TNR: variants seen among roughly 807,000 people sequenced by gnomAD.
TNR encodes tenascin-R.
TNR carries 45 observed loss-of-function variants against 150.4 expected under a neutral mutation model. The observed-to-expected ratio is 0.30, with a 90% CI of 0.24 to 0.38. The LOEUF (loss-of-function observed/expected upper bound fraction) is 0.38, where lower values mean the gene tolerates loss of function less well. Among genes scored for constraint, TNR ranks in the 10% least tolerant of loss-of-function variants. The pLI is 1.00. For synonymous variants in TNR, 687 were observed against 678.4 expected (o/e 1.01, Z -0.20); for missense variants, 1,544 against 1,759.1 (o/e 0.88, Z 2.19).
intron 2 of TNR, among the ~76,000 whole-genome samples, chr1:175,473,303 T>C (rs1657376383): frequency 6.6e-6 from 1 of 152,174 alleles, no homozygotes; most frequent in Admixed American, 6.5e-5. Context: ...CCTGTCAATA[T>C]CATCACATCA....
In TNR at chr1:175,386,183, G is replaced by A. The variant is rs746000237; in HGVS notation, c.1626C>T (p.Gly542=). The A allele has an allele frequency of 1.1e-5, 18 of 1,612,112 alleles. No homozygotes were observed. Among genetic ancestry groups the A allele is most frequent in the African/African-American group, 5.3e-5 (4 of 74,862 alleles). Residue 542 remains glycine, a synonymous_variant, in exon 8 of 23, where the codon GGC becomes GGT. Coordinates refer to ENST00000367674, the MANE Select transcript of TNR (RefSeq NM_003285.3). The part of the protein sequence containing the change: ...DFILLKYGLV[G]GEGGRTTFRL... The stretch of plus-strand genomic sequence containing the variant: ...GGAAGGTGGTCCTCCCACCTTCCCC[G>A]CCCACCAGGCCATATTTCAAAAGAA...
At chr1:175,695,287 C>T (rs1171679599) in intron 1 of TNR, among the ~76,000 whole-genome samples, 1 of 152,234 alleles carries the variant, frequency 6.6e-6, no homozygotes, top group African/African-American at 2.4e-5. Context: ...CTCCTGCCCA[C>T]AGCCGTGTAA....
Position 175,317,218 on chromosome 1 carries a change from G to C in TNR, c.*6139C>G, listed in dbSNP as rs10798379. 0.28 allele frequency: 41,845 copies of C among 152,104 alleles called. 6,271 individuals are homozygous for C. The highest frequency in any genetic ancestry group is 0.5 in the East Asian group (2,567 of 5,182). The allele number at this position is 152,104 out of a possible 1,614,324, so 9.4% of individuals were successfully genotyped here. A position where few individuals can be genotyped will look rare whatever the true frequency, so the allele number is the denominator to read the frequency against. ...TGCAATAAATGCTATTTATCTTAGT[G>C]TTCATTTGTGGAGAATCAAATTAAA... On this transcript the variant is annotated 3_prime_UTR_variant, in exon 23 of 23. Coordinates refer to ENST00000367674, the MANE Select transcript of TNR (RefSeq NM_003285.3).
intron 1 of TNR, among the ~76,000 whole-genome samples, chr1:175,651,410 AT>A (rs1309737262): frequency 6.6e-6 from 1 of 152,146 alleles, no homozygotes; most frequent in Non-Finnish European, 1.5e-5. Flanking sequence ...ACAGAGAAGC[AT>A]AAAGGTTTTT....
chr1:175,380,135 A>G (rs905486830), intron 8 of TNR, among the ~76,000 whole-genome samples: 4 of 152,200 alleles, frequency 2.6e-5, no homozygotes, highest in African/African-American at 9.6e-5. Flanking sequence ...CACTAAACAA[A>G]AAGAAGACTG....
At chr1:175,540,376 G>T (rs973623144) in intron 1 of TNR, among the ~76,000 whole-genome samples, 2 of 152,162 alleles carry the variant, frequency 1.3e-5, no homozygotes, top group African/African-American at 4.8e-5. Flanking sequence ...TCCCAGGAGG[G>T]CCAGATTTAT....
intron 2 of TNR, among the ~76,000 whole-genome samples, chr1:175,422,899 G>T (rs539378539): frequency 6.6e-6 from 1 of 152,326 alleles, no homozygotes; most frequent in East Asian, 1.9e-4. Context: ...TGAGGTGGTT[G>T]GCTGTGAGCT....
At chr1:175,456,344 TC>T (rs1218061567) in intron 2 of TNR, among the ~76,000 whole-genome samples, 1 of 152,242 alleles carries the variant, frequency 6.6e-6, no homozygotes, top group African/African-American at 2.4e-5. Flanking sequence ...GCTTTGTTTT[TC>T]TTATAGTATC....
chr1:175,664,835 G>A (rs146541271), intron 1 of TNR, among the ~76,000 whole-genome samples: 193 of 152,342 alleles, frequency 1.3e-3, no homozygotes, highest in African/African-American at 4.4e-3. Context: ...ATGTGGGGCT[G>A]TTAGGAAACA....
At chr1:175,671,590 A>T (rs906644518) in intron 1 of TNR, among the ~76,000 whole-genome samples, 5 of 152,222 alleles carry the variant, frequency 3.3e-5, no homozygotes, top group African/African-American at 1.2e-4. Context: ...CAGCAAGTGA[A>T]ATTTGAATCT....
intron 1 of TNR, among the ~76,000 whole-genome samples, chr1:175,691,009 G>T (rs1666345870): frequency 6.6e-6 from 1 of 152,194 alleles, no homozygotes. Flanking sequence ...TGGACTGTTG[G>T]ATGAAGAATT....
chr1:175,622,638 A>T (rs1664017720), intron 1 of TNR, among the ~76,000 whole-genome samples: 1 of 152,110 alleles, frequency 6.6e-6, no homozygotes, highest in Admixed American at 6.5e-5. Flanking sequence ...AACTCTCTAG[A>T]CTGCTTTAGA....
At chr1:175,473,018 A>C (rs1315671651) in intron 2 of TNR, among the ~76,000 whole-genome samples, 3 of 152,232 alleles carry the variant, frequency 2.0e-5, no homozygotes, top group Non-Finnish European at 4.4e-5. Flanking sequence ...AGTAGTGATG[A>C]AAGAGGTGGC....
chr1:175,462,347 G>A (rs1184168031), intron 2 of TNR, among the ~76,000 whole-genome samples: 2 of 152,188 alleles, frequency 1.3e-5, no homozygotes, highest in Non-Finnish European at 2.9e-5. Flanking sequence ...GCTGACATGA[G>A]TCAAAGATCA....
At chr1:175,638,239 C>G (rs562519516) in intron 1 of TNR, among the ~76,000 whole-genome samples, 24 of 152,336 alleles carry the variant, frequency 1.6e-4, no homozygotes, top group African/African-American at 5.8e-4. Flanking sequence ...CCTTACAACT[C>G]TGCTCTTGTT....
chr1:175,468,602 G>A (rs572981619), intron 2 of TNR, among the ~76,000 whole-genome samples: 17 of 152,138 alleles, frequency 1.1e-4, no homozygotes, highest in Non-Finnish European at 7.4e-5. Context: ...GGAAGAATCC[G>A]ATAAAATTAC....
At chr1:175,658,572 C>T (rs537437014) in intron 1 of TNR, among the ~76,000 whole-genome samples, 66 of 152,308 alleles carry the variant, frequency 4.3e-4, no homozygotes, top group African/African-American at 1.5e-3. Flanking sequence ...CTTGCAGAAA[C>T]CTTCTATTCT....
chr1:175,597,307 C>T (rs1322470590), intron 1 of TNR, among the ~76,000 whole-genome samples: 1 of 152,124 alleles, frequency 6.6e-6, no homozygotes, highest in African/African-American at 2.4e-5. Context: ...CTGCAGGATG[C>T]TTGACAGAAC....
At chr1:175,326,143 T>A (rs1433205460) in intron 21 of TNR, among the ~76,000 whole-genome samples, 1 of 152,128 alleles carries the variant, frequency 6.6e-6, no homozygotes, top group East Asian at 1.9e-4. Context: ...GCAAACAGGC[T>A]GCGTGTTCTC....
Sources: allele counts gnomAD v4.1 joint callset (sites outside exome capture counted in the v4.1 genomes callset), GRCh38; gene constraint gnomAD v4.1.1; transcripts MANE v1.5; gene names NCBI Gene and HGNC (gene_info 2026-07-23, HGNC 2026-07-21).